ECHDC1: variants seen among roughly 807,000 people sequenced by gnomAD.
ECHDC1 encodes ethylmalonyl-CoA decarboxylase 1, also known as ethylmalonyl-CoA decarboxylase.
In ECHDC1, 29 loss-of-function variants were observed where a neutral mutation model predicts 29.7. That is an observed-to-expected ratio of 0.98 (90% CI 0.73 to 1.33). The LOEUF (loss-of-function observed/expected upper bound fraction) is 1.33. Among genes scored for constraint, ECHDC1 ranks in the 40% most tolerant of loss-of-function variants. The pLI is 0.00. For synonymous variants in ECHDC1, 126 were observed against 123.1 expected, an observed-to-expected ratio of 1.02 and a Z score of -0.15; for missense variants, 328 against 350.0, an observed-to-expected ratio of 0.94 and a Z score of 0.50.
intron 5 of ECHDC1, among the ~76,000 whole-genome samples, chr6:127,309,962 A>C (rs1265302354): frequency 9.2e-5 from 14 of 152,162 alleles, no homozygotes; most frequent in Admixed American, 9.2e-4. Flanking sequence ...ACCTCCCACC[A>C]GACCCTTCCT....
chr6:127,342,277 C>T (rs1785018981), intron 1 of ECHDC1: 11 of 1,439,534 alleles, frequency 7.6e-6, no homozygotes, highest in Non-Finnish European at 2.8e-6. Flanking sequence ...AGATAATATT[C>T]TTAAGACTAA....
At chr6:127,303,738 G>A (rs1321179019) in intron 5 of ECHDC1, among the ~76,000 whole-genome samples, 1 of 152,202 alleles carries the variant, frequency 6.6e-6, no homozygotes, top group Non-Finnish European at 1.5e-5. Context: ...GATTTTTACT[G>A]TAATATTAAT....
intron 1 of ECHDC1, among the ~76,000 whole-genome samples, chr6:127,334,004 T>C (rs1481573881): frequency 6.6e-6 from 1 of 152,186 alleles, no homozygotes; most frequent in Non-Finnish European, 1.5e-5. Context: ...TGTGCAAGCT[T>C]TTTGCCCATT....
chr6:127,320,143 G>A (rs1410370337), intron 3 of ECHDC1, among the ~76,000 whole-genome samples: 1 of 152,074 alleles, frequency 6.6e-6, no homozygotes, highest in African/African-American at 2.4e-5. Flanking sequence ...TCAGCCTTCT[G>A]AGTAGCTGGG....
At chr6:127,305,165 A>T (rs1781347660) in intron 5 of ECHDC1, among the ~76,000 whole-genome samples, 1 of 152,154 alleles carries the variant, frequency 6.6e-6, no homozygotes. Flanking sequence ...TAAAGAAAGG[A>T]TCCTAAAAGC....
At chr6:127,300,537 G>C (rs188082365) in intron 5 of ECHDC1, among the ~76,000 whole-genome samples, 1 of 152,336 alleles carries the variant, frequency 6.6e-6, no homozygotes, top group East Asian at 1.9e-4. Flanking sequence ...ATAAATAAGA[G>C]AGATTCAAAG....
chr6:127,331,144 C>T (rs1174607919), intron 1 of ECHDC1, 114 bp from the exon 2 acceptor site: 9 of 732,876 alleles, frequency 1.2e-5, no homozygotes, highest in Non-Finnish European at 1.9e-5. Flanking sequence ...GGAATACTTC[C>T]CCATTTCTTT....
intron 2 of ECHDC1, chr6:127,329,800 T>G (rs1296691970): frequency 2.5e-6 from 1 of 394,616 alleles, no homozygotes; most frequent in African/African-American, 2.1e-5. Flanking sequence ...CTAGAATATT[T>G]AAAATTGCAC....
intron 1 of ECHDC1, chr6:127,342,248 G>C: frequency 8.7e-7 from 1 of 1,148,834 alleles, no homozygotes; most frequent in Non-Finnish European, 1.2e-6. Flanking sequence ...AGCTGCAAGA[G>C]GGCATTTGCA....
intron 3 of ECHDC1, among the ~76,000 whole-genome samples, chr6:127,320,340 T>A (rs1782739277): frequency 6.6e-6 from 1 of 152,038 alleles, no homozygotes; most frequent in Non-Finnish European, 1.5e-5. Flanking sequence ...TTAATCAGGG[T>A]ATGGTACAAT....
intron 5 of ECHDC1, among the ~76,000 whole-genome samples, chr6:127,302,362 C>A (rs1198672223): frequency 1.3e-5 from 2 of 151,974 alleles, no homozygotes; most frequent in Non-Finnish European, 2.9e-5. Flanking sequence ...GAGGATTTTT[C>A]AGTGTAATAA....
chr6:127,326,529 C>G (rs1244719100), intron 3 of ECHDC1: 1 of 454,962 alleles, frequency 2.2e-6, no homozygotes, highest in Non-Finnish European at 4.6e-6. Context: ...AAAGGGGAAA[C>G]TGGATGCAGG....
intron 3 of ECHDC1, among the ~76,000 whole-genome samples, chr6:127,323,100 G>T (rs1042986163): frequency 3.3e-5 from 5 of 151,948 alleles, no homozygotes; most frequent in Non-Finnish European, 5.9e-5. Flanking sequence ...TTACCTCCAG[G>T]CTGTGTGTTT....
At chr6:127,301,060 T>C (rs1781016262) in intron 5 of ECHDC1, among the ~76,000 whole-genome samples, 1 of 152,234 alleles carries the variant, frequency 6.6e-6, no homozygotes, top group African/African-American at 2.4e-5. Context: ...ACATAATGCT[T>C]GACTAGATTC....
At chr6:127,331,129 A>T in intron 1 of ECHDC1, 99 bp from the exon 2 acceptor site, 10 of 780,598 alleles carry the variant, frequency 1.3e-5, no homozygotes, top group Non-Finnish European at 2.0e-5. Flanking sequence ...CCTTCTGTTG[A>T]GTTGGGAATA....
chr6:127,310,616 G>A (rs796500166), intron 5 of ECHDC1, among the ~76,000 whole-genome samples: 5 of 152,218 alleles, frequency 3.3e-5, no homozygotes, highest in African/African-American at 1.2e-4. Flanking sequence ...CAAAATATGT[G>A]GTTTCTTAAG....
intron 3 of ECHDC1, among the ~76,000 whole-genome samples, chr6:127,322,650 A>ATC (rs1167430076): frequency 6.6e-6 from 1 of 151,202 alleles, no homozygotes; most frequent in Non-Finnish European, 1.5e-5. Context: ...ATGTGTGTAT[A>ATC]TATATATATA....
rs1779944458 is a variant in ECHDC1 at position 127,289,663 on chromosome 6, A to G, written c.*206T>C. The G allele has an allele frequency of 4.0e-6, 2 of 504,504 alleles. No individual in the cohort carries two copies. Among genetic ancestry groups the G allele is most frequent in the African/African-American group, 3.9e-5 (2 of 51,814 alleles). The allele number at this position is 504,504 out of a possible 1,614,324, so 31.3% of individuals were successfully genotyped here. ...AGCCAAAAGTGTATATTTTAGCTAAATGTTCCAGATTACGCAGTAAATACC... is the reference window on the plus strand; with the variant it reads ...AGCCAAAAGTGTATATTTTAGCTAAGTGTTCCAGATTACGCAGTAAATACC... On this transcript the variant is annotated 3_prime_UTR_variant, in exon 6 of 6. Transcript: ENST00000454859.
At position 127,289,983 on chromosome 6, in the gene ECHDC1, G is replaced by A. The variant is rs765794898; in HGVS notation, c.792C>T (p.Gly264=). 6.2e-7 allele frequency: 1 copy of A among 1,613,568 alleles called. No individual in the cohort carries two copies. Among genetic ancestry groups the A allele is most frequent in the African/African-American group, 1.3e-5 (1 of 74,968 alleles). The part of the protein sequence containing the change: ...IRALKKSVCS[G]RELYLEEALQ... ...ATGCTTCCTCCAAATATAGCTCTCT[G>A]CCTGAACAAACAGATTTTTTCAAAG... The change falls in exon 6 of 6, where the codon GGC becomes GGT. Residue 264 remains glycine, a synonymous_variant. Coordinates refer to ENST00000454859, the MANE Select transcript of ECHDC1 (RefSeq NM_001002030.2).
Sources: gnomAD v4.1 joint callset for allele counts (sites outside exome capture counted in the v4.1 genomes callset) on GRCh38, gnomAD v4.1.1 for gene constraint, MANE v1.5 for transcripts, NCBI Gene and HGNC (gene_info 2026-07-23, HGNC 2026-07-21) for gene names.